IRF8: variants seen among roughly 807,000 people sequenced by gnomAD.
IRF8 encodes interferon consensus sequence binding protein 1.
In IRF8, 14 loss-of-function variants were observed where a neutral mutation model predicts 48.7. That is an observed-to-expected ratio of 0.29 (90% confidence interval 0.19 to 0.45). IRF8 has a LOEUF of 0.45. Ranked by LOEUF, IRF8 falls within the 20% of genes least tolerant of loss-of-function variation. IRF8 has a pLI of 1.00. For missense variants in IRF8, 493 were observed against 580.7 expected (o/e 0.85, Z 1.55); for synonymous variants, 278 against 227.3 (o/e 1.22, Z -2.01).
intron 7 of IRF8, 91 bp downstream of exon 7, chr16:85,918,894 C>T: frequency 6.6e-7 from 1 of 1,507,008 alleles, no homozygotes; most frequent in Non-Finnish European, 9.1e-7. Flanking sequence ...GCCCTGTGGT[C>T]TCATGGAGGG....
Position 85,907,444 on chromosome 16 carries a change from C to G in IRF8, c.175-1546C>G, listed in dbSNP as rs185817733. Among the ~76,000 whole-genome samples, 29 of 152,306 alleles carry G rather than the reference C, an allele frequency of 1.9e-4. No individual in the cohort carries two copies. In the East Asian group the frequency reaches 3.5e-3, roughly 18 times the overall value. On this transcript the variant is annotated intron_variant, in intron 2 of 8. Transcript: ENST00000268638. The stretch of plus-strand genomic sequence containing the variant: ...CCTGTAAGCCCAGCACTTTGGGAGG[C>G]CGAGGCAGGCGGATCACGAGGTCAA...
intron 7 of IRF8, among the ~76,000 whole-genome samples, chr16:85,919,629 C>T (rs1342018916): frequency 6.6e-6 from 1 of 152,252 alleles, no homozygotes; most frequent in African/African-American, 2.4e-5. Flanking sequence ...CTCACATCCT[C>T]TGATTCCATG....
intron 1 of IRF8, among the ~76,000 whole-genome samples, chr16:85,899,459 C>T (rs1337810869): frequency 6.6e-6 from 1 of 152,300 alleles, no homozygotes; most frequent in African/African-American, 2.4e-5. Context: ...TAGATAGATG[C>T]CTTTTTAAAA....
At chr16:85,908,149 T>C (rs547961041) in intron 2 of IRF8, among the ~76,000 whole-genome samples, 7 of 152,238 alleles carry the variant, frequency 4.6e-5, no homozygotes, top group Non-Finnish European at 1.0e-4. Flanking sequence ...CTCCTATCAT[T>C]TTAGGCTGGA....
intron 1 of IRF8, among the ~76,000 whole-genome samples, chr16:85,899,455 G>A (rs1904751640): frequency 6.6e-6 from 1 of 152,238 alleles, no homozygotes; most frequent in Non-Finnish European, 1.5e-5. Context: ...TTGGTAGATA[G>A]ATGCCTTTTT....
chr16:85,921,377 T>G lies in IRF8; in HGVS notation c.*95T>G. 1.5e-6 allele frequency: 2 copies of G among 1,344,832 alleles called. No individual in the cohort carries two copies. The highest frequency in any genetic ancestry group is 2.1e-6 in the Non-Finnish European group (2 of 946,442). 83.3% of individuals were successfully genotyped at this position (1,344,832 alleles called of 1,614,324 possible). ...TGATTAAAGAATGTGGATCCCTCTG[T>G]CTGGGGTGGGATGCCTTACTTTGCA... On this transcript the variant is annotated 3_prime_UTR_variant, in exon 9 of 9. Coordinates refer to ENST00000268638, the MANE Select transcript of IRF8 (RefSeq NM_002163.4).
intron 3 of IRF8, chr16:85,909,502 A>G (rs2152100826): frequency 2.7e-6 from 1 of 366,346 alleles, no homozygotes; most frequent in Non-Finnish European, 5.2e-6. Flanking sequence ...AGAGGAGGCC[A>G]GGGGAAAATA....
In IRF8 at chr16:85,921,219, T is replaced by C; in HGVS notation, c.1218T>C (p.Phe406=). The C allele has an allele frequency of 6.2e-7, 1 of 1,614,214 alleles. No homozygotes were observed. Among genetic ancestry groups the C allele is most frequent in the East Asian group, 2.2e-5 (1 of 44,890 alleles). Residue 406 remains phenylalanine (F), a synonymous_variant, in exon 9 of 9, where the codon TTT becomes TTC. Coordinates refer to ENST00000268638, the MANE Select transcript of IRF8 (RefSeq NM_002163.4). ...CGCCAGACCAGGTCTTCCGGATGTT[T>C]CCAGATATTTGTGCCTCACACCAGA... ...EPPPDQVFRM[F]PDICASHQRS...
At chr16:85,903,554 G>C (rs546438084) in intron 2 of IRF8, 24 of 309,834 alleles carry the variant, frequency 7.7e-5, no homozygotes, top group East Asian at 4.3e-4. Flanking sequence ...TACCAGGGAA[G>C]GTTTCAGTCC....
At position 85,903,026 on chromosome 16, in the gene IRF8, G is replaced by A. The variant is rs766524400; in HGVS notation, c.11G>A (p.Arg4Gln). MCD[R>Q]NGGRRLRQWL... is the part of the protein sequence containing the mutation. Reference sequence around the variant, plus strand: ...TCTGTCTTTCCAAGGATGTGTGACCGGAATGGTGGTCGGCGGCTTCGACAG... The same window carrying A: ...TCTGTCTTTCCAAGGATGTGTGACCAGAATGGTGGTCGGCGGCTTCGACAG... The change falls in exon 2 of 9, where the codon CGG (arginine) becomes CAG (glutamine). Residue 4 changes from arginine (R) to glutamine (Q), a missense_variant. Transcript: ENST00000268638. 6.8e-6 allele frequency: 11 copies of A among 1,614,036 alleles called. No homozygotes were observed. The highest frequency in any genetic ancestry group is 2.2e-5 in the South Asian group (2 of 91,080).
chr16:85,910,223 A>G (rs1196655638), intron 3 of IRF8, among the ~76,000 whole-genome samples: 1 of 152,216 alleles, frequency 6.6e-6, no homozygotes, highest in Admixed American at 6.5e-5. Context: ...AATGTGGCCC[A>G]TGAACGAGAA....
intron 2 of IRF8, 66 bp from the exon 3 acceptor site, chr16:85,908,924 C>A: frequency 7.3e-7 from 1 of 1,374,440 alleles, no homozygotes; most frequent in South Asian, 1.2e-5. Context: ...GGGTCCTGGT[C>A]ATGGTGACGG....
At chr16:85,902,642 T>G (rs1904860663) in intron 1 of IRF8, 3 of 323,692 alleles carry the variant, frequency 9.3e-6, no homozygotes, top group South Asian at 2.8e-5. Flanking sequence ...CCTGGTGCTG[T>G]AAAAGTGATT....
chr16:85,916,530 C>G (rs918677593), intron 6 of IRF8, among the ~76,000 whole-genome samples: 3 of 152,208 alleles, frequency 2.0e-5, no homozygotes, highest in African/African-American at 7.2e-5. Context: ...ACAGCTGGAA[C>G]CTTCTCTTAG....
At chr16:85,918,380 C>T (rs199975901) in intron 6 of IRF8, 37 bp from the exon 7 acceptor site, 1,401 of 1,588,050 alleles carry the variant, frequency 8.8e-4, no homozygotes, top group Non-Finnish European at 1.1e-3. Context: ...CTGTATGTCT[C>T]CCCGCAGCAC....
intron 2 of IRF8, among the ~76,000 whole-genome samples, chr16:85,907,957 G>T (rs987171976): frequency 2.6e-5 from 4 of 151,382 alleles, no homozygotes; most frequent in Non-Finnish European, 5.9e-5. Context: ...TTTTCCTGAA[G>T]TGGGTACAGC....
chr16:85,918,715 C>G lies in IRF8; in HGVS notation c.900C>G (p.Ser300Arg). The change falls in exon 7 of 9, where the codon AGC (serine) becomes AGG (arginine). Residue 300 changes from serine to arginine, a missense_variant. Ser to Arg is a moderately radical substitution (Grantham distance 110). This residue lies in a region of IRF8 where 408 missense variants were observed against 449.6 expected (regional missense o/e 0.91). Coordinates refer to ENST00000268638, the MANE Select transcript of IRF8 (RefSeq NM_002163.4). ...KRLCQGRVFCSGNAVVCKGRP... is the reference protein window; with the variant it reads ...KRLCQGRVFCRGNAVVCKGRP... The stretch of plus-strand genomic sequence containing the variant: ...TGTGCCAGGGCCGCGTGTTCTGCAG[C>G]GGCAACGCCGTGGTGTGCAAAGGCA... The G allele has an allele frequency of 6.2e-7, 1 of 1,612,560 alleles. No homozygotes were observed.
chr16:85,918,109 G>C (rs886124475), intron 6 of IRF8, among the ~76,000 whole-genome samples: 13 of 152,186 alleles, frequency 8.5e-5, no homozygotes, highest in Non-Finnish European at 1.5e-4. Context: ...CCCTCAGCTT[G>C]ACGTGTAAAT....
At chr16:85,911,213 C>G (rs1271914559) in intron 3 of IRF8, among the ~76,000 whole-genome samples, 2 of 152,194 alleles carry the variant, frequency 1.3e-5, no homozygotes, top group African/African-American at 4.8e-5. Context: ...TTTCAAATGC[C>G]CTGTCTTATA....
Sources: allele counts gnomAD v4.1 joint callset (sites outside exome capture counted in the v4.1 genomes callset), GRCh38; gene constraint gnomAD v4.1.1; regional missense constraint gnomAD v4.1.1; transcripts MANE v1.5; gene names NCBI Gene and HGNC (gene_info 2026-07-23, HGNC 2026-07-21).